The following STRN4 variants were observed in gnomAD, a reference collection of about 807,000 sequenced individuals.
STRN4 encodes striatin-4.
Under a neutral mutation model 77.9 loss-of-function variants are expected in STRN4, and 27 were observed. The observed-to-expected ratio is 0.35, with a 90% confidence interval of 0.26 to 0.48. The LOEUF is 0.48. STRN4 is among the 20% of genes least tolerant of loss of function. STRN4 has a pLI of 0.99. For missense variants in STRN4, 798 were observed against 1,049.7 expected, an observed-to-expected ratio of 0.76 and a Z score of 3.31; for synonymous variants, 466 against 443.1, an observed-to-expected ratio of 1.05 and a Z score of -0.65.
chr19:46,739,967 C>T (rs1445756179), intron 1 of STRN4, among the ~76,000 whole-genome samples: 1 of 152,200 alleles, frequency 6.6e-6, no homozygotes, highest in Non-Finnish European at 1.5e-5. Flanking sequence ...GGTAGGATCC[C>T]TTGGAGACCC....
At chr19:46,728,472 C>G (rs183874289) in intron 7 of STRN4, 146 bp downstream of exon 7, 42 of 1,158,510 alleles carry the variant, frequency 3.6e-5, no homozygotes, top group Non-Finnish European at 4.7e-5. Flanking sequence ...CCTGGGCCTC[C>G]TGCTCTCCTT....
chr19:46,739,420 C>T lies in STRN4; in HGVS notation c.283-532G>A, dbSNP rs1355264495. 9 of 163,170 alleles carry T rather than the reference C, an allele frequency of 5.5e-5. 1 individual carries two copies. The highest frequency in any genetic ancestry group is 1.7e-4 in the East Asian group (1 of 5,924). The allele number at this position is 163,170 out of a possible 1,614,324, so 10.1% of individuals were successfully genotyped here. ...ATAGAAAAGCTTTACAAGCCAAGCC[C>T]GCTGTGGGGACCAGCCGTCCCACTG... On this transcript the variant is annotated intron_variant, in intron 1 of 17. Coordinates refer to ENST00000263280, the MANE Select transcript of STRN4 (RefSeq NM_013403.3).
intron 12 of STRN4, among the ~76,000 whole-genome samples, chr19:46,724,036 TC>T (rs1428609553): frequency 2.0e-5 from 3 of 151,722 alleles, no homozygotes; most frequent in Non-Finnish European, 4.4e-5. Context: ...TCACCTGAGG[TC>T]CGGAGTTCAA....
intron 16 of STRN4, 103 bp from the exon 17 acceptor site, chr19:46,720,874 G>A (rs2053961190): frequency 1.5e-6 from 2 of 1,327,878 alleles, no homozygotes; most frequent in East Asian, 5.5e-5. Context: ...CAGGGGAAGT[G>A]GGGCTCAACT....
Position 46,720,522 on chromosome 19 carries a change from G to T in STRN4, c.*66+14C>A. On this transcript the variant is annotated intron_variant, in intron 17 of 17. Transcript: ENST00000263280. ...GGCGTGCAGAGACTCAGAATGCGGGGTTTCTGCCCTCACCTCAGCCCCACC... is the reference window on the plus strand; with the variant it reads ...GGCGTGCAGAGACTCAGAATGCGGGTTTTCTGCCCTCACCTCAGCCCCACC... The T allele has an allele frequency of 7.0e-7, 1 of 1,436,386 alleles. No individual in the cohort carries two copies. The highest frequency in any genetic ancestry group is 9.2e-7 in the Non-Finnish European group (1 of 1,092,874). 89.0% of individuals were successfully genotyped at this position (1,436,386 alleles called of 1,614,324 possible).
At position 46,746,130 on chromosome 19, in the gene STRN4, G is replaced by T; in HGVS notation, c.282+19C>A. 6.7e-7 allele frequency: 1 copy of T among 1,492,988 alleles called. No homozygotes were observed. The highest frequency in any genetic ancestry group is 8.9e-7 in the Non-Finnish European group (1 of 1,127,148). 92.5% of individuals were successfully genotyped at this position (1,492,988 alleles called of 1,614,324 possible). A position where few individuals can be genotyped will look rare whatever the true frequency, so the allele number is the denominator to read the frequency against. On this transcript the variant is annotated intron_variant, in intron 1 of 17. Transcript: ENST00000263280. ...GGCCGGGCCGGGTTGGGGGTCGGGG[G>T]TCCCGGGACAGCGCTCACCTGTAAC...
rs1354097495 is a variant in STRN4, at chr19:46,741,855, C to T, written c.283-2967G>A. 6.6e-6 allele frequency among the ~76,000 whole-genome samples: 1 copy of T among 152,260 alleles called. No individual in the cohort carries two copies. Among genetic ancestry groups the T allele is most frequent in the East Asian group, 1.9e-4 (1 of 5,204 alleles). On this transcript the variant is annotated intron_variant, in intron 1 of 17. Coordinates refer to ENST00000263280, the MANE Select transcript of STRN4 (RefSeq NM_013403.3). This position sits in a 1 kb window ranked among gnomAD's most constrained non-coding sequence, Gnocchi z 4.9. ...CGTTTCGTGCCATCTAGCCCTGCAT[C>T]TCCTAAGGGCCTCCTTCCCAAGCTT...
chr19:46,738,943 G>C lies in STRN4; in HGVS notation c.283-55C>G. ...ATAATGGGGCTCAGGCTCAATGCCG[G>C]TGTGTCTATCACTCACCCAGGTATA... On this transcript the variant is annotated intron_variant, in intron 1 of 17. Transcript: ENST00000263280. This position sits in a 1 kb window ranked among gnomAD's most constrained non-coding sequence, Gnocchi z 4.5. The C allele has an allele frequency of 6.7e-7, 1 of 1,490,068 alleles. No homozygotes were observed. Among genetic ancestry groups the C allele is most frequent in the Non-Finnish European group, 9.3e-7 (1 of 1,074,358 alleles). 92.3% of individuals were successfully genotyped at this position (1,490,068 alleles called of 1,614,324 possible).
At chr19:46,722,714 C>T in intron 14 of STRN4, 96 bp downstream of exon 14, 1 of 1,552,290 alleles carries the variant, frequency 6.4e-7, no homozygotes, top group Non-Finnish European at 8.7e-7. Flanking sequence ...GGGGAGTCAT[C>T]TGAGCTGACT....
Position 46,746,415 on chromosome 19 carries a change from C to T in STRN4, c.16G>A (p.Ala6Thr), listed in dbSNP as rs1488436565. Reference sequence around the variant, plus strand: ...GCGGCGGCGGCGACCGCGGCGGCCGCTCGCTCCTCCATCATGGAGGCCCCG... The same window carrying T: ...GCGGCGGCGGCGACCGCGGCGGCCGTTCGCTCCTCCATCATGGAGGCCCCG... MMEER[A>T]AAAVAAAASS... The change falls in exon 1 of 18, where the codon GCG becomes ACG. Residue 6 changes from alanine (A) to threonine (T), a missense_variant. By Grantham distance (58) the Ala-to-Thr change is moderately conservative. Coordinates refer to ENST00000263280, the MANE Select transcript of STRN4 (RefSeq NM_013403.3). 2.9e-6 allele frequency: 3 copies of T among 1,039,940 alleles called. No individual in the cohort carries two copies. The highest frequency in any genetic ancestry group is 3.5e-6 in the Non-Finnish European group (3 of 868,306). The allele number at this position is 1,039,940 out of a possible 1,614,324, so 64.4% of individuals were successfully genotyped here.
chr19:46,726,562 C>T (rs528363865), intron 9 of STRN4, among the ~76,000 whole-genome samples: 1 of 151,828 alleles, frequency 6.6e-6, no homozygotes, highest in African/African-American at 2.4e-5. Context: ...GGCATGGAGA[C>T]CAGACACGTG....
At chr19:46,737,446 A>G (rs2054389512) in intron 3 of STRN4, among the ~76,000 whole-genome samples, 1 of 152,146 alleles carries the variant, frequency 6.6e-6, no homozygotes, top group Non-Finnish European at 1.5e-5. Flanking sequence ...CGTTCTAGTG[A>G]GAGGAGCTGG....
At chr19:46,737,713 C>T (rs552798086) in intron 3 of STRN4, among the ~76,000 whole-genome samples, 1 of 152,270 alleles carries the variant, frequency 6.6e-6, no homozygotes, top group East Asian at 1.9e-4. Flanking sequence ...AGGGTAGAGA[C>T]CATGTCTCCC....
At chr19:46,739,179 TG>T (rs2054428789) in intron 1 of STRN4, 3 of 423,070 alleles carry the variant, frequency 7.1e-6, no homozygotes, top group South Asian at 2.3e-5. Context: ...TGGCTGCCTT[TG>T]GGGGGAAGTC....
rs1161112845 is a variant in STRN4 at position 46,723,806 on chromosome 19, C to T, written c.1595-522G>A. Reference sequence around the variant, plus strand: ...CACACCAGCAGCTCTGGCCTGCTGACACCGAAAGTGTGGTGGCTAATGTAG... The same window carrying T: ...CACACCAGCAGCTCTGGCCTGCTGATACCGAAAGTGTGGTGGCTAATGTAG... On this transcript the variant is annotated intron_variant, in intron 12 of 17. Coordinates refer to ENST00000263280, the MANE Select transcript of STRN4 (RefSeq NM_013403.3). The surrounding 1 kb of genome is among the most constrained non-coding windows in gnomAD (Gnocchi z 5.5). Among the ~76,000 whole-genome samples, 2 of 152,204 alleles carry T rather than the reference C, an allele frequency of 1.3e-5. No homozygotes were observed. Among genetic ancestry groups the T allele is most frequent in the Non-Finnish European group, 2.9e-5 (2 of 68,034 alleles).
rs28684509 is a variant in STRN4, at chr19:46,723,193, A to G, written c.1686T>C (p.Cys562=). The G allele has an allele frequency of 0.017, 25,783 of 1,557,860 alleles. 2,390 individuals carry two copies. In the African/African-American group the frequency reaches 0.25, roughly 15 times the overall value. ...AGATGCGGACGGTGCCATCAGCAGA[A>G]CAGGAGGCCAGGCGCTGGGAGGTGG... is the stretch of plus-strand genomic sequence containing the variant. ...FSPTSQRLAS[C]SADGTVRIWD... Residue 562 remains cysteine, a synonymous_variant, in exon 13 of 18, where the codon TGT becomes TGC. Transcript: ENST00000263280. The surrounding 1 kb of genome is among the most constrained non-coding windows in gnomAD (Gnocchi z 5.5).
At chr19:46,730,640 A>G (rs1371850526) in intron 6 of STRN4, 92 bp downstream of exon 6, 2 of 1,544,576 alleles carry the variant, frequency 1.3e-6, no homozygotes, top group East Asian at 4.5e-5. Context: ...GCCAGCACAC[A>G]CCGCAGCCCC....
Position 46,741,554 on chromosome 19 carries a change from G to C in STRN4, c.283-2666C>G, listed in dbSNP as rs1453375810. Among the ~76,000 whole-genome samples, 2 of 152,194 alleles carry C rather than the reference G, an allele frequency of 1.3e-5. No homozygotes were observed. Among genetic ancestry groups the C allele is most frequent in the African/African-American group, 4.8e-5 (2 of 41,446 alleles). ...CGCCAGCAGCCCCCACGGGCTGTCT[G>C]GTCTGCGAGGGCCAAGGTAGGCCTG... is the stretch of plus-strand genomic sequence containing the variant. On this transcript the variant is annotated intron_variant, in intron 1 of 17. Coordinates refer to ENST00000263280, the MANE Select transcript of STRN4 (RefSeq NM_013403.3). The surrounding 1 kb of genome is among the most constrained non-coding windows in gnomAD (Gnocchi z 4.9).
At chr19:46,727,582 G>T in intron 8 of STRN4, 36 bp from the exon 9 acceptor site, 1 of 1,588,148 alleles carries the variant, frequency 6.3e-7, no homozygotes, top group Non-Finnish European at 8.6e-7. Context: ...TAGGGGGAGG[G>T]GAGGGAGGGG....
Sources: allele counts gnomAD v4.1 joint callset (sites outside exome capture counted in the v4.1 genomes callset), GRCh38; gene constraint gnomAD v4.1.1; non-coding constraint Gnocchi (gnomAD v3.1); transcripts MANE v1.5; gene names NCBI Gene and HGNC (gene_info 2026-07-23, HGNC 2026-07-21).